TSPAN32: variants seen among roughly 807,000 people sequenced by gnomAD.
The protein encoded by TSPAN32 is tetraspanin 32, also known as tetraspanin-32.
In TSPAN32, 47 loss-of-function variants were observed where a neutral mutation model predicts 42.7. That is an observed-to-expected ratio of 1.10 (90% confidence interval 0.87 to 1.40). TSPAN32 has a LOEUF of 1.40. TSPAN32 is among the 40% of genes most tolerant of loss of function. The pLI is 0.00. For synonymous variants in TSPAN32, 175 were observed against 175.9 expected (o/e 0.99, Z 0.04); for missense variants, 469 against 424.1 (o/e 1.11, Z -0.93).
Position 2,308,723 on chromosome 11 carries a change from G to T in TSPAN32, c.280-13G>T. The T allele has an allele frequency of 6.5e-7, 1 of 1,531,376 alleles. No homozygotes were observed. The highest frequency in any genetic ancestry group is 8.8e-7 in the Non-Finnish European group (1 of 1,133,822). The allele number at this position is 1,531,376 out of a possible 1,614,324, so 94.9% of individuals were successfully genotyped here. A position where few individuals can be genotyped will look rare whatever the true frequency, so the allele number is the denominator to read the frequency against. ...CCAGCCCTCAACAGTGACCAGCCCC[G>T]CTCTGCCCCCAGGGCTTCCTGTGCT... is the stretch of plus-strand genomic sequence containing the variant. On this transcript the variant is annotated splice_polypyrimidine_tract_variant and intron_variant, in intron 3 of 9. Transcript: ENST00000182290.
intron 2 of TSPAN32, among the ~76,000 whole-genome samples, 183 bp from the exon 3 acceptor site, chr11:2,303,924 T>A (rs1243657606): frequency 2.8e-4 from 42 of 152,108 alleles, no homozygotes; most frequent in Admixed American, 2.7e-3. Flanking sequence ...TCCCCCAGGC[T>A]GAACGAGTCC....
Position 2,317,515 on chromosome 11 carries a change from T to G in TSPAN32, c.891T>G (p.Ala297=), listed in dbSNP as rs758563128. ...AAPLPLSCHL[A]AHRALQGRSR... ...CTCTGCCCCTCTCCTGCCACCTGGC[T>G]GCCCACAGAGGTGAAGACGCCCCTG... Residue 297 remains alanine, a synonymous_variant, in exon 9 of 10, where the codon GCT becomes GCG. Transcript: ENST00000182290. The surrounding 1 kb of genome is among the most constrained non-coding windows in gnomAD (Gnocchi z 6.2). 1.9e-6 allele frequency: 3 copies of G among 1,582,558 alleles called. No individual in the cohort carries two copies. Among genetic ancestry groups the G allele is most frequent in the South Asian group, 2.3e-5 (2 of 87,338 alleles).
intron 2 of TSPAN32, 192 bp downstream of exon 2, chr11:2,303,150 C>A: frequency 1.7e-6 from 1 of 579,396 alleles, no homozygotes; most frequent in Admixed American, 3.1e-5. Flanking sequence ...TGGGTGACAG[C>A]CAGTGTTCCT....
chr11:2,314,162 TAAA>T (rs34185560), intron 5 of TSPAN32, among the ~76,000 whole-genome samples: 1 of 137,702 alleles, frequency 7.3e-6, no homozygotes, highest in Non-Finnish European at 1.5e-5. Flanking sequence ...GTCTCTACTT[TAAA>T]AAAAAAAAAA....
rs993373266 is a variant in TSPAN32, at chr11:2,317,681, G to A, written c.901+156G>A. 212 of 985,422 alleles carry A rather than the reference G, an allele frequency of 2.2e-4. 1 individual carries two copies. The highest frequency in any genetic ancestry group is 2.3e-4 in the Non-Finnish European group (188 of 829,926). 61.0% of individuals were successfully genotyped at this position (985,422 alleles called of 1,614,324 possible). ...GCTCACCAAATCCCTCCATGGGAACGGGCTGGGAGCAAGCACAAAGGAAAC... is the reference window on the plus strand; with the variant it reads ...GCTCACCAAATCCCTCCATGGGAACAGGCTGGGAGCAAGCACAAAGGAAAC... On this transcript the variant is annotated intron_variant, in intron 9 of 9. Transcript: ENST00000182290. The surrounding 1 kb of genome is among the most constrained non-coding windows in gnomAD (Gnocchi z 6.2).
At chr11:2,305,600 C>T (rs1434121366) in intron 3 of TSPAN32, among the ~76,000 whole-genome samples, 1 of 152,226 alleles carries the variant, frequency 6.6e-6, no homozygotes, top group Admixed American at 6.5e-5. Context: ...CAGCCTTTCC[C>T]ACCCCACCTT....
intron 3 of TSPAN32, among the ~76,000 whole-genome samples, chr11:2,305,332 G>C (rs1324564074): frequency 6.6e-6 from 1 of 151,878 alleles, no homozygotes; most frequent in Non-Finnish European, 1.5e-5. Context: ...AGGGCCAGGT[G>C]GGAGGCCCCA....
rs752287510 is a variant in TSPAN32, at chr11:2,302,836, A to G, written c.67-8A>G. Reference sequence around the variant, plus strand: ...ATGCCCCACACTCTGAGTCTGCCCTATCCACAGCTGCTGGGCCTCTCTGTG... The same window carrying G: ...ATGCCCCACACTCTGAGTCTGCCCTGTCCACAGCTGCTGGGCCTCTCTGTG... On this transcript the variant is annotated splice_region_variant and splice_polypyrimidine_tract_variant and intron_variant, in intron 1 of 9. Coordinates refer to ENST00000182290, the MANE Select transcript of TSPAN32 (RefSeq NM_139022.3). 44 of 1,611,888 alleles carry G rather than the reference A, an allele frequency of 2.7e-5. No individual in the cohort carries two copies. Among genetic ancestry groups the G allele is most frequent in the Non-Finnish European group, 3.6e-5 (42 of 1,178,760 alleles).
rs376848200 is a variant in TSPAN32, at chr11:2,313,634, C to T, written c.355-20C>T. 3 of 1,585,136 alleles carry T rather than the reference C, an allele frequency of 1.9e-6. No individual in the cohort carries two copies. Among genetic ancestry groups the T allele is most frequent in the Non-Finnish European group, 2.6e-6 (3 of 1,165,572 alleles). ...GATCTCCCACCAGGGCCAGGACCTC[C>T]CTGTGGTCTCTCGGTGCAGGTGGAG... is the stretch of plus-strand genomic sequence containing the variant. On this transcript the variant is annotated intron_variant, in intron 4 of 9. Coordinates refer to ENST00000182290, the MANE Select transcript of TSPAN32 (RefSeq NM_139022.3). The surrounding 1 kb of genome is among the most constrained non-coding windows in gnomAD (Gnocchi z 9.1).
rs1848780762 is a variant in TSPAN32 at position 2,316,212 on chromosome 11, C to T, written c.544-17C>T. 1 of 1,550,670 alleles carries T rather than the reference C, an allele frequency of 6.4e-7. No homozygotes were observed. Among genetic ancestry groups the T allele is most frequent in the African/African-American group, 1.4e-5 (1 of 73,608 alleles). On this transcript the variant is annotated splice_polypyrimidine_tract_variant and intron_variant, in intron 6 of 9. Coordinates refer to ENST00000182290, the MANE Select transcript of TSPAN32 (RefSeq NM_139022.3). ...GGGCCGCTCAGGGCGGGTACCATGC[C>T]TGCTGCCCTCTCACAGGACTGCCTT...
intron 4 of TSPAN32, among the ~76,000 whole-genome samples, chr11:2,311,031 C>T (rs1020791416): frequency 3.3e-5 from 5 of 152,240 alleles, no homozygotes; most frequent in South Asian, 2.1e-4. Context: ...GCACCGGAAA[C>T]GTCGAGGTGA....
chr11:2,313,860 G>C lies in TSPAN32; in HGVS notation c.456+105G>C. On this transcript the variant is annotated intron_variant, in intron 5 of 9. Transcript: ENST00000182290. This position sits in a 1 kb window ranked among gnomAD's most constrained non-coding sequence, Gnocchi z 9.1. ...AGTGAGAGGTCTGGCCAGGCACCGA[G>C]GGGGTTCCAGGACACAGGCCAGAGT... is the stretch of plus-strand genomic sequence containing the variant. The C allele has an allele frequency of 1.1e-6, 1 of 909,546 alleles. No individual in the cohort carries two copies. The highest frequency in any genetic ancestry group is 1.7e-6 in the Non-Finnish European group (1 of 595,964). The allele number at this position is 909,546 out of a possible 1,614,324, so 56.3% of individuals were successfully genotyped here.
intron 6 of TSPAN32, chr11:2,314,772 G>T (rs1848680135): frequency 1.7e-6 from 1 of 589,056 alleles, no homozygotes; most frequent in African/African-American, 1.9e-5. Context: ...AGCCCATTGG[G>T]TGGCCAGGCT....
chr11:2,304,267 C>T lies in TSPAN32; in HGVS notation c.279+63C>T. On this transcript the variant is annotated intron_variant, in intron 3 of 9. Transcript: ENST00000182290. This position sits in a 1 kb window ranked among gnomAD's most constrained non-coding sequence, Gnocchi z 4.8. ...AAAAGAATTAGAAAGGAGTGAAGAG[C>T]TGGCAGGGCTGTGTGCCACCCCCAC... 4 of 1,236,530 alleles carry T rather than the reference C, an allele frequency of 3.2e-6. No individual in the cohort carries two copies. The highest frequency in any genetic ancestry group is 4.4e-6 in the Non-Finnish European group (4 of 905,166). The allele number at this position is 1,236,530 out of a possible 1,614,324, so 76.6% of individuals were successfully genotyped here.
chr11:2,307,789 G>C (rs1199151252), intron 3 of TSPAN32, among the ~76,000 whole-genome samples: 1 of 152,162 alleles, frequency 6.6e-6, no homozygotes, highest in Non-Finnish European at 1.5e-5. Flanking sequence ...GCATCAGTGA[G>C]AGAGAGGGGA....
chr11:2,313,433 G>A lies in TSPAN32; in HGVS notation c.355-221G>A, dbSNP rs947268497. ...TGGGGGCAGGAGGGCCACTCTGACG[G>A]CCATTGTGTGAAGGCCCCATCGTTG... On this transcript the variant is annotated intron_variant, in intron 4 of 9. Transcript: ENST00000182290. The surrounding 1 kb of genome is among the most constrained non-coding windows in gnomAD (Gnocchi z 9.1). 6.6e-6 allele frequency among the ~76,000 whole-genome samples: 1 copy of A among 152,188 alleles called. No individual in the cohort carries two copies. Among genetic ancestry groups the A allele is most frequent in the African/African-American group, 2.4e-5 (1 of 41,438 alleles).
Position 2,315,880 on chromosome 11 carries a change from G to A in TSPAN32, c.544-349G>A, listed in dbSNP as rs939291775. 21 of 1,425,482 alleles carry A rather than the reference G, an allele frequency of 1.5e-5. No individual in the cohort carries two copies. The East Asian group carries it at 2.0e-4, about 14-fold the overall frequency. 88.3% of individuals were successfully genotyped at this position (1,425,482 alleles called of 1,614,324 possible). On this transcript the variant is annotated intron_variant, in intron 6 of 9. Transcript: ENST00000182290. ...CTCTGGTCACCAAGGTGCTGTGCCC[G>A]GCCCTGGGCTGGATGCTGGGAACCC...
intron 3 of TSPAN32, among the ~76,000 whole-genome samples, chr11:2,308,047 A>G (rs1848217188): frequency 6.6e-6 from 1 of 152,122 alleles, no homozygotes; most frequent in Non-Finnish European, 1.5e-5. Context: ...GTCCAGGTCC[A>G]TGCCCCTCAG....
chr11:2,304,125 G>T lies in TSPAN32; in HGVS notation c.200G>T (p.Ser67Ile), dbSNP rs1409155307. The change falls in exon 3 of 10, where the codon AGC (serine) becomes ATC (isoleucine). Residue 67 changes from serine (S) to isoleucine (I), a missense_variant. Ser to Ile is a moderately radical substitution (Grantham distance 142). Coordinates refer to ENST00000182290, the MANE Select transcript of TSPAN32 (RefSeq NM_139022.3). The surrounding 1 kb of genome is among the most constrained non-coding windows in gnomAD (Gnocchi z 4.8). Reference protein sequence around the residue: ...VHQWAFSAGLSLVGLLTLGAV... With the variant: ...VHQWAFSAGLILVGLLTLGAV... ...CAACCAGCCTTCTCTGCGGGGTTGAGCCTGGTGGGCCTCCTGACTCTGGGA... is the reference window on the plus strand; with the variant it reads ...CAACCAGCCTTCTCTGCGGGGTTGATCCTGGTGGGCCTCCTGACTCTGGGA... 1 of 1,584,778 alleles carries T rather than the reference G, an allele frequency of 6.3e-7. No individual in the cohort carries two copies. The highest frequency in any genetic ancestry group is 1.8e-5 in the Admixed American group (1 of 55,380).
Sources: gnomAD v4.1 joint callset for allele counts (sites outside exome capture counted in the v4.1 genomes callset) on GRCh38, gnomAD v4.1.1 for gene constraint, Gnocchi (gnomAD v3.1) non-coding constraint, MANE v1.5 for transcripts, NCBI Gene and HGNC (gene_info 2026-07-23, HGNC 2026-07-21) for gene names.